Variants in POU2F1 observed in about 807,000 individuals in gnomAD.
POU2F1 encodes POU class 2 homeobox 1, also known as POU domain, class 2, transcription factor 1.
POU2F1 carries 16 observed loss-of-function variants against 84.9 expected under a neutral mutation model. The ratio of observed to expected loss-of-function variants is 0.19; its 90% confidence interval spans 0.13 to 0.29. The LOEUF (loss-of-function observed/expected upper bound fraction) is 0.29. Among genes scored for constraint, POU2F1 ranks in the 10% least tolerant of loss-of-function variants. The probability of loss-of-function intolerance (pLI) is 1.00; values close to 1 mark genes in which losing one functional copy is unlikely to be tolerated. For synonymous variants in POU2F1, 368 were observed against 368.3 expected, an observed-to-expected ratio of 1.00 and a Z score of 0.01; for missense variants, 738 against 942.6, an observed-to-expected ratio of 0.78 and a Z score of 2.84.
chr1:167,287,071 G>A (rs1435171082), intron 1 of POU2F1, among the ~76,000 whole-genome samples: 1 of 152,166 alleles, frequency 6.6e-6, no homozygotes, highest in African/African-American at 2.4e-5. Context: ...ATGGAGCTGA[G>A]GATCCCTGTA....
chr1:167,248,832 A>G (rs1650522341), intron 1 of POU2F1, among the ~76,000 whole-genome samples: 1 of 152,074 alleles, frequency 6.6e-6, no homozygotes. Context: ...CCATGTATTA[A>G]CTCCTTTAAT....
At chr1:167,346,716 C>T (rs548984437) in intron 2 of POU2F1, among the ~76,000 whole-genome samples, 5 of 152,328 alleles carry the variant, frequency 3.3e-5, no homozygotes, top group Admixed American at 2.6e-4. Flanking sequence ...GCCCACCACT[C>T]ACCTCCTGCT....
intron 1 of POU2F1, among the ~76,000 whole-genome samples, chr1:167,313,625 A>G (rs1473253431): frequency 6.6e-6 from 1 of 152,208 alleles, no homozygotes. Context: ...CAGAAACTCA[A>G]CCTAAACCTC....
At chr1:167,308,463 A>G (rs528903050) in intron 1 of POU2F1, among the ~76,000 whole-genome samples, 72 of 152,116 alleles carry the variant, frequency 4.7e-4, no homozygotes, top group African/African-American at 1.7e-3. Flanking sequence ...ATTAATAATT[A>G]TTTTATGGGG....
intron 11 of POU2F1, among the ~76,000 whole-genome samples, chr1:167,398,618 G>A (rs1490260550): frequency 1.3e-5 from 2 of 152,180 alleles, no homozygotes; most frequent in Non-Finnish European, 2.9e-5. Flanking sequence ...TGGAGCTTAA[G>A]TTAATGCAAG....
chr1:167,265,698 A>AC (rs1160703089), intron 1 of POU2F1, among the ~76,000 whole-genome samples: 1 of 134,986 alleles, frequency 7.4e-6, no homozygotes, highest in African/African-American at 2.8e-5. Context: ...ACCCTCCCCC[A>AC]CCCCCCAACA....
At chr1:167,350,775 G>C (rs1305045880) in intron 2 of POU2F1, among the ~76,000 whole-genome samples, 1 of 151,990 alleles carries the variant, frequency 6.6e-6, no homozygotes, top group Non-Finnish European at 1.5e-5. Context: ...GAGGCGGGCA[G>C]ATCACCTGAG....
chr1:167,241,478 A>G (rs575743968), intron 1 of POU2F1: 1 of 152,324 alleles, frequency 6.6e-6, no homozygotes, highest in Non-Finnish European at 1.5e-5. Flanking sequence ...TGTTTCGAGA[A>G]TTTGAAAGCA....
At chr1:167,359,034 T>C (rs904464611) in intron 2 of POU2F1, among the ~76,000 whole-genome samples, 2 of 151,910 alleles carry the variant, frequency 1.3e-5, no homozygotes, top group African/African-American at 4.8e-5. Context: ...TCATTATTGG[T>C]CTTACCTTTA....
intron 1 of POU2F1, among the ~76,000 whole-genome samples, chr1:167,299,544 C>G (rs2102560966): frequency 6.6e-6 from 1 of 152,232 alleles, no homozygotes; most frequent in Admixed American, 6.5e-5. Flanking sequence ...TGCAAGGACC[C>G]TCCTGTCCTT....
chr1:167,266,457 CATA>C (rs1427617183), intron 1 of POU2F1, among the ~76,000 whole-genome samples: 1 of 151,958 alleles, frequency 6.6e-6, no homozygotes, highest in African/African-American at 2.4e-5. Flanking sequence ...TTAAGTGTGT[CATA>C]ATCTCAATTT....
At chr1:167,405,744 T>C (rs1649528701) in intron 13 of POU2F1, among the ~76,000 whole-genome samples, 1 of 152,146 alleles carries the variant, frequency 6.6e-6, no homozygotes. Flanking sequence ...ATCAACCAAC[T>C]TGTTCTAACT....
At chr1:167,394,842 T>A (rs1231953762) in intron 9 of POU2F1, among the ~76,000 whole-genome samples, 1 of 152,196 alleles carries the variant, frequency 6.6e-6, no homozygotes, top group East Asian at 1.9e-4. Flanking sequence ...ATATGTTACT[T>A]TTTTAACCCA....
intron 1 of POU2F1, among the ~76,000 whole-genome samples, chr1:167,305,935 T>C (rs1341157764): frequency 6.6e-6 from 1 of 152,196 alleles, no homozygotes; most frequent in African/African-American, 2.4e-5. Context: ...ATGGTAGACA[T>C]GTTCACATGT....
At chr1:167,389,839 C>G in intron 9 of POU2F1, 78 bp downstream of exon 9, 2 of 1,486,732 alleles carry the variant, frequency 1.3e-6, no homozygotes, top group Non-Finnish European at 1.8e-6. Flanking sequence ...TTCATGGATT[C>G]CACATCTGTG....
In POU2F1 at chr1:167,421,897, T is replaced by C. The variant is rs1172679254; in HGVS notation, c.*6087T>C. ...GATCCTGTTTATAGGTTACAATTTA[T>C]AGGGTTAGGGAGGGTTGGGTGGGGG... is the stretch of plus-strand genomic sequence containing the variant. On this transcript the variant is annotated 3_prime_UTR_variant, in exon 16 of 16. Transcript: ENST00000367866. 1.4e-5 allele frequency: 2 copies of C among 141,708 alleles called. No homozygotes were observed. Among genetic ancestry groups the C allele is most frequent in the African/African-American group, 5.4e-5 (2 of 37,338 alleles). 8.8% of individuals were successfully genotyped at this position (141,708 alleles called of 1,614,324 possible). A position where few individuals can be genotyped will look rare whatever the true frequency, so the allele number is the denominator to read the frequency against.
intron 1 of POU2F1, among the ~76,000 whole-genome samples, chr1:167,308,434 A>G (rs985000295): frequency 1.3e-5 from 2 of 152,008 alleles, no homozygotes; most frequent in Admixed American, 1.3e-4. Flanking sequence ...TCTTCTGTAA[A>G]GTTGTGCTTC....
In POU2F1 at chr1:167,418,592, T is replaced by C. The variant is rs1281298030; in HGVS notation, c.*2782T>C. 1 of 152,154 alleles carries C rather than the reference T, an allele frequency of 6.6e-6. No individual in the cohort carries two copies. The highest frequency in any genetic ancestry group is 1.5e-5 in the Non-Finnish European group (1 of 68,010). 9.4% of individuals were successfully genotyped at this position (152,154 alleles called of 1,614,324 possible). ...TTCTCAAAATTGCTACCAAAGGAAG[T>C]GTGGAGTCCCAAGGGACTCAAGCTC... On this transcript the variant is annotated 3_prime_UTR_variant, in exon 16 of 16. Coordinates refer to ENST00000367866, the MANE Select transcript of POU2F1 (RefSeq NM_002697.4).
At chr1:167,243,367 G>T (rs151240211) in intron 1 of POU2F1, among the ~76,000 whole-genome samples, 1,664 of 152,284 alleles carry the variant, frequency 0.011, 18 homozygotes, top group South Asian at 0.024. Context: ...TGAGCACGTT[G>T]GAATCTGTCG....
Sources: allele counts gnomAD v4.1 joint callset (sites outside exome capture counted in the v4.1 genomes callset), GRCh38; gene constraint gnomAD v4.1.1; transcripts MANE v1.5; gene names NCBI Gene and HGNC (gene_info 2026-07-23, HGNC 2026-07-21).